TRAF3IP2: variants seen among roughly 807,000 people sequenced by gnomAD.
TRAF3IP2 encodes the protein E3 ubiquitin ligase TRAF3IP2.
A neutral mutation model predicts 57.9 loss-of-function variants in TRAF3IP2; 35 were observed. The observed-to-expected ratio is 0.60, with a 90% CI of 0.46 to 0.80. The LOEUF is 0.80. Among genes scored for constraint, TRAF3IP2 ranks in the 30% least tolerant of loss-of-function variants. The pLI, the probability that TRAF3IP2 is intolerant of heterozygous loss-of-function variation, is 0.00. For synonymous variants in TRAF3IP2, 251 were observed against 268.9 expected, an observed-to-expected ratio of 0.93 and a Z score of 0.65; for missense variants, 556 against 706.4, an observed-to-expected ratio of 0.79 and a Z score of 2.41.
chr6:111,563,207 ATCAG>A (rs2128369748), intron 7 of TRAF3IP2, among the ~76,000 whole-genome samples, 168 bp from the exon 8 acceptor site: 1 of 152,314 alleles, frequency 6.6e-6, no homozygotes, highest in African/African-American at 2.4e-5. Flanking sequence ...CCATTCACTC[ATCAG>A]TCGTTTATTG....
At chr6:111,567,226 G>C in intron 6 of TRAF3IP2, 1 of 1,008,792 alleles carries the variant, frequency 9.9e-7, no homozygotes, top group Non-Finnish European at 1.2e-6. Context: ...CTCGGGGGTG[G>C]TGTGCTGTGC....
chr6:111,570,956 G>T (rs939681623), intron 5 of TRAF3IP2, among the ~76,000 whole-genome samples: 4 of 151,494 alleles, frequency 2.6e-5, no homozygotes, highest in Admixed American at 6.6e-5. Flanking sequence ...GGCTGGATTG[G>T]AGTGCAGTGG....
intron 1 of TRAF3IP2, chr6:111,597,773 A>C (rs889519612): frequency 2.9e-5 from 13 of 452,034 alleles, no homozygotes; most frequent in African/African-American, 2.4e-4. Flanking sequence ...ACAGCTGTGC[A>C]TGTGAGCCTG....
At chr6:111,602,543 G>C (rs1796907705) in intron 1 of TRAF3IP2, among the ~76,000 whole-genome samples, 1 of 152,024 alleles carries the variant, frequency 6.6e-6, no homozygotes, top group African/African-American at 2.4e-5. Flanking sequence ...TTTTGTATTT[G>C]CCTTTTATTG....
intron 3 of TRAF3IP2, chr6:111,576,705 G>C (rs1023597081): frequency 3.9e-5 from 6 of 152,080 alleles, no homozygotes; most frequent in African/African-American, 1.4e-4. Flanking sequence ...CTGTGGTATT[G>C]TGCTAACCGG....
rs148682349 is a variant in TRAF3IP2 at position 111,566,859 on chromosome 6, G to T, written c.1360-299C>A. 4.9e-5 allele frequency: 20 copies of T among 410,420 alleles called. No homozygotes were observed. The Admixed American group carries it at 6.8e-4, about 14-fold the overall frequency. The allele number at this position is 410,420 out of a possible 1,614,324, so 25.4% of individuals were successfully genotyped here. ...AAAGCCCGAATCACTGAGTGAGTCT[G>T]TGTCGTGGCAAAAAGGCACTGCAAC... On this transcript the variant is annotated intron_variant, in intron 6 of 8. Transcript: ENST00000368761.
intron 8 of TRAF3IP2, among the ~76,000 whole-genome samples, chr6:111,562,021 G>T (rs560121453): frequency 6.6e-6 from 1 of 152,300 alleles, no homozygotes; most frequent in East Asian, 1.9e-4. Flanking sequence ...GGGTCTCAGT[G>T]CAGTCTTGAC....
chr6:111,571,121 G>A (rs1015553855), intron 5 of TRAF3IP2, among the ~76,000 whole-genome samples: 2 of 149,076 alleles, frequency 1.3e-5, no homozygotes, highest in African/African-American at 5.0e-5. Flanking sequence ...TGTCACCCAG[G>A]CTGGAGTGCA....
rs1320483628 is a variant in TRAF3IP2 at position 111,555,570 on chromosome 6, TA to T, written c.*3834del. Among the ~76,000 whole-genome samples the T allele has an allele frequency of 1.3e-5, 2 of 152,320 alleles. No individual in the cohort carries two copies. The highest frequency in any genetic ancestry group is 3.9e-4 in the East Asian group (2 of 5,180). Reference sequence around the variant, plus strand: ...AGTCACTAAAATTTAAAATTACATTTAAAATTCTAAATTAGTCATCAAATAT... The same window carrying T: ...AGTCACTAAAATTTAAAATTACATTTAAATTCTAAATTAGTCATCAAATAT... On this transcript the variant is annotated 3_prime_UTR_variant, in exon 9 of 9. Transcript: ENST00000368761.
At chr6:111,571,816 C>T (rs9481166) in intron 5 of TRAF3IP2, among the ~76,000 whole-genome samples, 12,992 of 151,288 alleles carry the variant, frequency 0.086, 889 homozygotes, top group African/African-American at 0.19. Context: ...ACCTGTAATC[C>T]TAGCTACTTG....
intron 1 of TRAF3IP2, among the ~76,000 whole-genome samples, chr6:111,595,815 G>A (rs974576889): frequency 1.6e-4 from 24 of 146,380 alleles, no homozygotes; most frequent in Non-Finnish European, 3.0e-4. Context: ...GTGACACAGC[G>A]AGACTCTGTC....
intron 4 of TRAF3IP2, 114 bp from the exon 5 acceptor site, chr6:111,573,097 G>C: frequency 1.2e-6 from 1 of 848,054 alleles, no homozygotes; most frequent in Non-Finnish European, 1.8e-6. Flanking sequence ...AGGAAACCTT[G>C]GGCTTGGGGT....
intron 3 of TRAF3IP2, chr6:111,576,631 G>A (rs1199069386): frequency 1.3e-5 from 2 of 152,232 alleles, no homozygotes; most frequent in Non-Finnish European, 1.5e-5. Flanking sequence ...TCACAGCGGT[G>A]TTGGCTTTCT....
At chr6:111,572,698 A>G (rs111408811) in intron 5 of TRAF3IP2, 197 bp downstream of exon 5, 3 of 572,796 alleles carry the variant, frequency 5.2e-6, no homozygotes, top group African/African-American at 3.8e-5. Context: ...AGCATACAGG[A>G]AAAAAATGCT....
chr6:111,581,278 G>A (rs1240865004), intron 2 of TRAF3IP2, among the ~76,000 whole-genome samples: 4 of 152,218 alleles, frequency 2.6e-5, no homozygotes, highest in African/African-American at 9.6e-5. Flanking sequence ...GGCCCAAAGG[G>A]GGTAAGGTGT....
intron 1 of TRAF3IP2, chr6:111,594,615 C>T: frequency 2.6e-6 from 1 of 389,164 alleles, no homozygotes; most frequent in South Asian, 1.9e-5. Flanking sequence ...GGGAATTCTT[C>T]AGTTAAAACT....
rs753956744 is a variant in TRAF3IP2, at chr6:111,592,027, C to T, written c.60G>A (p.Leu20=). 5 of 1,614,228 alleles carry T rather than the reference C, an allele frequency of 3.1e-6. No individual in the cohort carries two copies. Among genetic ancestry groups the T allele is most frequent in the Non-Finnish European group, 4.2e-6 (5 of 1,180,034 alleles). ...CCGGGGAATATTCTGGGATTGGTTT[C>T]AGCAACTGACTTGGGTATGGTTCTG... ...DESEPYPSQL[L]KPIPEYSPEE... is the part of the protein sequence containing the mutation. Residue 20 remains leucine (L), a synonymous_variant, in exon 2 of 9, where the codon CTG becomes CTA. Coordinates refer to ENST00000368761, the MANE Select transcript of TRAF3IP2 (RefSeq NM_147686.4).
chr6:111,597,973 G>A (rs1583246951), intron 1 of TRAF3IP2: 2 of 446,466 alleles, frequency 4.5e-6, no homozygotes, highest in African/African-American at 2.0e-5. Flanking sequence ...GACTCCTCAG[G>A]GGAACAGGAG....
At chr6:111,602,854 C>G (rs1796913619) in intron 1 of TRAF3IP2, among the ~76,000 whole-genome samples, 1 of 152,116 alleles carries the variant, frequency 6.6e-6, no homozygotes, top group South Asian at 2.1e-4. Context: ...GCCAAGACCC[C>G]AGGCAGCCTC....
Sources: gnomAD v4.1 joint callset for allele counts (sites outside exome capture counted in the v4.1 genomes callset) on GRCh38, gnomAD v4.1.1 for gene constraint, MANE v1.5 for transcripts, NCBI Gene and HGNC (gene_info 2026-07-23, HGNC 2026-07-21) for gene names.